The following SRGAP2C variants were observed in gnomAD, a reference collection of about 807,000 sequenced individuals.
SRGAP2C encodes the protein SLIT-ROBO Rho GTPase activating protein 2C.
A neutral mutation model predicts 25.1 loss-of-function variants in SRGAP2C; 15 were observed. The observed-to-expected ratio is 0.60, with a 90% confidence interval of 0.40 to 0.92. The LOEUF is 0.92. SRGAP2C is among the 40% of genes least tolerant of loss of function. The probability of loss-of-function intolerance (pLI) is 0.00; values close to 1 mark genes in which losing one functional copy is unlikely to be tolerated. For synonymous variants in SRGAP2C, 44 were observed against 96.6 expected, an observed-to-expected ratio of 0.46 and a Z score of 3.19; for missense variants, 144 against 264.4, an observed-to-expected ratio of 0.54 and a Z score of 3.16.
At chr1:121,273,809 G>T (rs587722124) in intron 2 of SRGAP2C, among the ~76,000 whole-genome samples, 9 of 151,878 alleles carry the variant, frequency 5.9e-5, no homozygotes, top group Admixed American at 5.3e-4. Flanking sequence ...CATGACTGCT[G>T]ATTGAATAGG....
At chr1:121,233,145 CTTTTT>C (rs1196199123) in intron 2 of SRGAP2C, among the ~76,000 whole-genome samples, 11 of 118,120 alleles carry the variant, frequency 9.3e-5, no homozygotes, top group South Asian at 2.8e-4. Context: ...CCCCTTGGTT[CTTTTT>C]TTTTTTTTTT....
At chr1:121,377,127 C>A (rs1659681202) in intron 7 of SRGAP2C, among the ~76,000 whole-genome samples, 1 of 139,454 alleles carries the variant, frequency 7.2e-6, no homozygotes. Context: ...AAAAAAACGT[C>A]TGCTAAGAGC....
intron 2 of SRGAP2C, among the ~76,000 whole-genome samples, chr1:121,273,819 G>A (rs1317812320): frequency 6.6e-6 from 1 of 151,748 alleles, no homozygotes; most frequent in African/African-American, 2.4e-5. Context: ...GATTGAATAG[G>A]TCACTCCAAG....
intron 3 of SRGAP2C, among the ~76,000 whole-genome samples, chr1:121,313,988 G>A (rs1325638697): frequency 7.2e-6 from 1 of 138,864 alleles, no homozygotes; most frequent in Non-Finnish European, 1.5e-5. Context: ...GTTAGATTGG[G>A]GAAGTTCTCC....
intron 2 of SRGAP2C, among the ~76,000 whole-genome samples, chr1:121,266,127 C>T (rs1656773676): frequency 6.6e-6 from 1 of 151,116 alleles, no homozygotes; most frequent in Non-Finnish European, 1.5e-5. Context: ...GGTGCCTACA[C>T]CACACCTGGC....
chr1:121,223,351 T>TTGTGTGTG lies in SRGAP2C; in HGVS notation c.67+35876_67+35883dup, dbSNP rs56123915. ...ATTATTTTTTAATGCTGGGAGGAGT[T>TTGTGTGTG]TGTGTGTGTGTGTGTGTGTGTGTGT... On this transcript the variant is annotated intron_variant, in intron 2 of 9. Transcript: ENST00000367123. 7.1e-3 allele frequency among the ~76,000 whole-genome samples: 460 copies of TTGTGTGTG among 64,842 alleles called. 23 individuals carry two copies. Among genetic ancestry groups the TTGTGTGTG allele is most frequent in the South Asian group, 0.024 (49 of 2,020 alleles). 42.5% of individuals were successfully genotyped at this position (64,842 alleles called of 152,430 possible). A position where few individuals can be genotyped will look rare whatever the true frequency, so the allele number is the denominator to read the frequency against.
chr1:121,335,460 A>ATTTTT (rs1162681731), intron 4 of SRGAP2C, among the ~76,000 whole-genome samples: 4 of 95,066 alleles, frequency 4.2e-5, no homozygotes, highest in African/African-American at 1.2e-4. Context: ...TTTATTTCAG[A>ATTTTT]TTTTTTTTTT....
intron 4 of SRGAP2C, among the ~76,000 whole-genome samples, chr1:121,335,159 G>T (rs1427125151): frequency 1.3e-5 from 2 of 151,088 alleles, no homozygotes; most frequent in Non-Finnish European, 2.9e-5. Context: ...TGGGCATGGT[G>T]GTACGTGCCT....
chr1:121,353,431 C>T (rs1553346769), intron 4 of SRGAP2C, among the ~76,000 whole-genome samples: 1 of 147,866 alleles, frequency 6.8e-6, no homozygotes, highest in African/African-American at 2.5e-5. Context: ...GATCTTCCTG[C>T]CTTGGCCTTC....
chr1:121,205,877 GA>G (rs1220759938), intron 2 of SRGAP2C, among the ~76,000 whole-genome samples: 1 of 89,712 alleles, frequency 1.1e-5, no homozygotes, highest in African/African-American at 4.3e-5. Flanking sequence ...AAACCATGGA[GA>G]AAAAAAGCCT....
chr1:121,297,046 G>C (rs1281895299), intron 3 of SRGAP2C, among the ~76,000 whole-genome samples: 1 of 152,004 alleles, frequency 6.6e-6, no homozygotes, highest in Non-Finnish European at 1.5e-5. Context: ...TTTGGGAGCT[G>C]TTTGTTCCCT....
chr1:121,185,380 G>C, intron 1 of SRGAP2C: 4 of 961,778 alleles, frequency 4.2e-6, no homozygotes, highest in Admixed American at 6.4e-5. Context: ...CCTGGCTCAC[G>C]GACCGCAGCG....
intron 4 of SRGAP2C, among the ~76,000 whole-genome samples, chr1:121,362,427 C>T (rs1194963799): frequency 6.6e-6 from 1 of 152,128 alleles, no homozygotes; most frequent in Non-Finnish European, 1.5e-5. Context: ...GTGGTCCTCC[C>T]AACTAATCAG....
At chr1:121,355,161 T>C (rs1659032114) in intron 4 of SRGAP2C, among the ~76,000 whole-genome samples, 2 of 144,196 alleles carry the variant, frequency 1.4e-5, no homozygotes, top group African/African-American at 5.1e-5. Context: ...ACTAGATAAA[T>C]CATCACCCCA....
In SRGAP2C at chr1:121,238,268, G is replaced by T. The variant is rs1291025352; in HGVS notation, c.68-46535G>T. ...CCAAAGAAAAGAAAGGAAGAGTGTT[G>T]TGTAAAATCTTGCTTCCTTGCCTTT... On this transcript the variant is annotated intron_variant, in intron 2 of 9. Coordinates refer to ENST00000367123, the MANE Select transcript of SRGAP2C (RefSeq NM_001329984.2). Among the ~76,000 whole-genome samples, 3 of 151,552 alleles carry T rather than the reference G, an allele frequency of 2.0e-5. No homozygotes were observed. The South Asian group carries it at 6.3e-4, about 32-fold the overall frequency.
At chr1:121,334,467 TG>T (rs1328220952) in intron 4 of SRGAP2C, among the ~76,000 whole-genome samples, 1 of 150,552 alleles carries the variant, frequency 6.6e-6, no homozygotes, top group Admixed American at 6.6e-5. Context: ...TTTGTTTGTT[TG>T]TTTGTTTGTT....
At chr1:121,213,301 C>G (rs1570710215) in intron 2 of SRGAP2C, among the ~76,000 whole-genome samples, 1 of 150,318 alleles carries the variant, frequency 6.7e-6, no homozygotes, top group Non-Finnish European at 1.5e-5. Context: ...CTGCCTCTGC[C>G]TCCCAAAGTG....
intron 3 of SRGAP2C, among the ~76,000 whole-genome samples, chr1:121,316,903 A>C (rs1658111751): frequency 6.6e-6 from 1 of 151,144 alleles, no homozygotes. Context: ...AAGCCTCTTT[A>C]TTCATTCCTC....
chr1:121,239,198 AT>A (rs1656039084), intron 2 of SRGAP2C, among the ~76,000 whole-genome samples: 1 of 3,602 alleles, frequency 2.8e-4, no homozygotes, highest in Non-Finnish European at 3.9e-4. Context: ...ATATATATAT[AT>A]ATATATATAT....
Sources: gnomAD v4.1 joint callset for allele counts (sites outside exome capture counted in the v4.1 genomes callset) on GRCh38, gnomAD v4.1.1 for gene constraint, MANE v1.5 for transcripts, NCBI Gene and HGNC (gene_info 2026-07-23, HGNC 2026-07-21) for gene names.